LRP12: variants seen among roughly 807,000 people sequenced by gnomAD.
LRP12 encodes the protein low-density lipoprotein receptor-related protein 12.
Under a neutral mutation model 66.0 loss-of-function variants are expected in LRP12, and 14 were observed. That is an observed-to-expected ratio of 0.21 (90% confidence interval 0.14 to 0.33). The LOEUF is 0.33. Among genes scored for constraint, LRP12 ranks in the 10% least tolerant of loss-of-function variants. LRP12 has a pLI of 1.00. For synonymous variants in LRP12, 357 were observed against 359.1 expected, an observed-to-expected ratio of 0.99 and a Z score of 0.07; for missense variants, 889 against 1,053.4, an observed-to-expected ratio of 0.84 and a Z score of 2.16.
chr8:104,520,621 T>G (rs528423958), intron 2 of LRP12, among the ~76,000 whole-genome samples: 1 of 152,108 alleles, frequency 6.6e-6, no homozygotes, highest in South Asian at 2.1e-4. Flanking sequence ...GCATGAAGAG[T>G]AAAGAAGAAC....
intron 1 of LRP12, among the ~76,000 whole-genome samples, chr8:104,577,807 T>A (rs1445039137): frequency 1.6e-5 from 1 of 60,804 alleles, no homozygotes; most frequent in African/African-American, 8.0e-5. Context: ...CGAGACTCCA[T>A]CTCAAAAAAA....
At chr8:104,499,256 A>G in intron 4 of LRP12, 61 bp downstream of exon 4, 1 of 1,290,616 alleles carries the variant, frequency 7.7e-7, no homozygotes, top group South Asian at 1.3e-5. Context: ...TTAGCTCCGA[A>G]GTGACAGAGC....
At position 104,535,124 on chromosome 8, in the gene LRP12, T is replaced by C. The variant is rs369690017; in HGVS notation, c.80-3161A>G. On this transcript the variant is annotated intron_variant, in intron 1 of 6. Coordinates refer to ENST00000276654, the MANE Select transcript of LRP12 (RefSeq NM_013437.5). ...TTAAGTAGATAAACCCTAAAAAAGA[T>C]TTTTCACGTACGAAAAAGTTTGATT... Among the ~76,000 whole-genome samples, 7 of 151,974 alleles carry C rather than the reference T, an allele frequency of 4.6e-5. No individual in the cohort carries two copies. In the East Asian group the frequency reaches 1.4e-3, roughly 29 times the overall value.
intron 5 of LRP12, among the ~76,000 whole-genome samples, chr8:104,496,464 T>A (rs1411248385): frequency 1.3e-5 from 2 of 152,296 alleles, no homozygotes; most frequent in Non-Finnish European, 2.9e-5. Flanking sequence ...CTCTCCCTCA[T>A]TAGATTACGT....
chr8:104,548,389 A>AT lies in LRP12; in HGVS notation c.80-16427dup, dbSNP rs1469536904. Reference sequence around the variant, plus strand: ...TATAAATATATTATATAAATATATAATATATATTATATAAATATATGATAT... The same window carrying AT: ...TATAAATATATTATATAAATATATAATTATATATTATATAAATATATGATAT... On this transcript the variant is annotated intron_variant, in intron 1 of 6. Coordinates refer to ENST00000276654, the MANE Select transcript of LRP12 (RefSeq NM_013437.5). 2.3e-4 allele frequency among the ~76,000 whole-genome samples: 19 copies of AT among 84,180 alleles called. 3 individuals are homozygous for AT. Among genetic ancestry groups the AT allele is most frequent in the African/African-American group, 1.3e-3 (19 of 15,198 alleles). 55.2% of individuals were successfully genotyped at this position (84,180 alleles called of 152,430 possible).
At chr8:104,529,000 T>C (rs1205311269) in intron 2 of LRP12, among the ~76,000 whole-genome samples, 1 of 152,350 alleles carries the variant, frequency 6.6e-6, no homozygotes, top group East Asian at 1.9e-4. Context: ...CGTATAAATA[T>C]ATTTAATTAA....
chr8:104,563,668 T>A (rs34556973), intron 1 of LRP12, among the ~76,000 whole-genome samples: 14,800 of 152,062 alleles, frequency 0.097, 834 homozygotes, highest in African/African-American at 0.15. Context: ...TCCTCAAGAA[T>A]GGGATTAGTG....
At chr8:104,573,778 A>C (rs1812119579) in intron 1 of LRP12, among the ~76,000 whole-genome samples, 1 of 151,992 alleles carries the variant, frequency 6.6e-6, no homozygotes, top group Admixed American at 6.6e-5. Flanking sequence ...CATCTAAAAG[A>C]ATGGATTAAC....
intron 6 of LRP12, 122 bp downstream of exon 6, chr8:104,494,955 C>T: frequency 6.6e-6 from 5 of 762,612 alleles, no homozygotes; most frequent in Non-Finnish European, 1.0e-5. Context: ...TTCAAATCTT[C>T]CATACATTTA....
Position 104,490,628 on chromosome 8 carries a change from G to A in LRP12, c.*45C>T, listed in dbSNP as rs2140824237. On this transcript the variant is annotated 3_prime_UTR_variant, in exon 7 of 7. Coordinates refer to ENST00000276654, the MANE Select transcript of LRP12 (RefSeq NM_013437.5). ...CTGTAAAGTTACAAAATAATAAATG[G>A]ATATTGCTCCAACTTGTATACAATC... 1 of 1,522,702 alleles carries A rather than the reference G, an allele frequency of 6.6e-7. No individual in the cohort carries two copies. Among genetic ancestry groups the A allele is most frequent in the South Asian group, 1.3e-5 (1 of 75,022 alleles). The allele number at this position is 1,522,702 out of a possible 1,614,324, so 94.3% of individuals were successfully genotyped here. A position where few individuals can be genotyped will look rare whatever the true frequency, so the allele number is the denominator to read the frequency against.
At chr8:104,515,370 T>C (rs749117244) in intron 2 of LRP12, among the ~76,000 whole-genome samples, 6 of 152,174 alleles carry the variant, frequency 3.9e-5, no homozygotes, top group Non-Finnish European at 5.9e-5. Context: ...TTATGTAAGA[T>C]CTTATTCCCA....
At chr8:104,539,773 T>C (rs1198309167) in intron 1 of LRP12, among the ~76,000 whole-genome samples, 1 of 152,016 alleles carries the variant, frequency 6.6e-6, no homozygotes, top group Non-Finnish European at 1.5e-5. Flanking sequence ...TGTCAAATTA[T>C]GTGAGAAGAT....
rs373513805 is a variant in LRP12, at chr8:104,542,288, T to G, written c.80-10325A>C. 2.6e-5 allele frequency among the ~76,000 whole-genome samples: 4 copies of G among 152,346 alleles called. No homozygotes were observed. The East Asian group carries it at 7.7e-4, about 29-fold the overall frequency. Reference sequence around the variant, plus strand: ...ATGTGCTTAACAGCCACTTATGCTATTCTTTGGAGAAACGTCCTTTCAAAT... The same window carrying G: ...ATGTGCTTAACAGCCACTTATGCTAGTCTTTGGAGAAACGTCCTTTCAAAT... On this transcript the variant is annotated intron_variant, in intron 1 of 6. Transcript: ENST00000276654.
At chr8:104,544,035 A>C (rs1423700336) in intron 1 of LRP12, among the ~76,000 whole-genome samples, 1 of 152,214 alleles carries the variant, frequency 6.6e-6, no homozygotes, top group Non-Finnish European at 1.5e-5. Flanking sequence ...ATGCAAAAGA[A>C]AAAGTTTCTA....
rs189876494 is a variant in LRP12, at chr8:104,562,955, T to G, written c.79+25864A>C. Among the ~76,000 whole-genome samples, 114 of 152,262 alleles carry G rather than the reference T, an allele frequency of 7.5e-4. 1 individual carries two copies. Among genetic ancestry groups the G allele is most frequent in the African/African-American group, 2.6e-3 (109 of 41,570 alleles). ...ACCACAAGCAGATGAGTTCTAGTAA[T>G]AAATTTTAAAAGGTAAATGTATAAG... is the stretch of plus-strand genomic sequence containing the variant. On this transcript the variant is annotated intron_variant, in intron 1 of 6. Coordinates refer to ENST00000276654, the MANE Select transcript of LRP12 (RefSeq NM_013437.5).
intron 1 of LRP12, among the ~76,000 whole-genome samples, chr8:104,581,354 T>A (rs1234680315): frequency 6.6e-6 from 1 of 152,306 alleles, no homozygotes; most frequent in Admixed American, 6.5e-5. Flanking sequence ...TACGATATGA[T>A]GTACAGATAT....
rs180856225 is a variant in LRP12, at chr8:104,524,063, T to C, written c.136+7844A>G. ...AAGTTCAAGACCAGCCTGGGCAACA[T>C]GGCAAAACCCCGTCTCTACAAAAAC... On this transcript the variant is annotated intron_variant, in intron 2 of 6. Coordinates refer to ENST00000276654, the MANE Select transcript of LRP12 (RefSeq NM_013437.5). 2.1e-3 allele frequency among the ~76,000 whole-genome samples: 314 copies of C among 151,934 alleles called. 1 individual carries two copies. The highest frequency in any genetic ancestry group is 7.1e-3 in the African/African-American group (294 of 41,450).
chr8:104,568,083 A>G (rs1289440084), intron 1 of LRP12, among the ~76,000 whole-genome samples: 1 of 152,222 alleles, frequency 6.6e-6, no homozygotes, highest in Non-Finnish European at 1.5e-5. Flanking sequence ...TAGACAATAT[A>G]GGTCATAAAA....
rs566542395 is a variant in LRP12 at position 104,497,694 on chromosome 8, G to C, written c.858C>G (p.Thr286=). 6.2e-7 allele frequency: 1 copy of C among 1,613,968 alleles called. No individual in the cohort carries two copies. The highest frequency in any genetic ancestry group is 8.5e-7 in the Non-Finnish European group (1 of 1,179,978). ...GGTGATCACCAGTGTCTATTAACCA[G>C]GTGCAATTGCTTCCAGGAGGATAAA... ...PDFYPPGSNC[T]WLIDTGDHRK... is the part of the protein sequence containing the mutation. The change falls in exon 5 of 7, where the codon ACC becomes ACG. Residue 286 remains threonine (T), a synonymous_variant. Transcript: ENST00000276654. The surrounding 1 kb of genome is among the most constrained non-coding windows in gnomAD (Gnocchi z 4.3).
Sources: gnomAD v4.1 joint callset for allele counts (sites outside exome capture counted in the v4.1 genomes callset) on GRCh38, gnomAD v4.1.1 for gene constraint, Gnocchi (gnomAD v3.1) non-coding constraint, MANE v1.5 for transcripts, NCBI Gene and HGNC (gene_info 2026-07-23, HGNC 2026-07-21) for gene names.